The following LLGL2 variants were observed in gnomAD, a reference collection of about 807,000 sequenced individuals.
The protein encoded by LLGL2 is LLGL scribble cell polarity complex component 2.
A neutral mutation model predicts 123.2 loss-of-function variants in LLGL2; 81 were observed. That is an observed-to-expected ratio of 0.66 (90% CI 0.55 to 0.79). The LOEUF (loss-of-function observed/expected upper bound fraction) is 0.79, where lower values mean the gene tolerates loss of function less well. LLGL2 is among the 30% of genes least tolerant of loss of function. The pLI is 0.00. For synonymous variants in LLGL2, 577 were observed against 594.1 expected (o/e 0.97, Z 0.42); for missense variants, 1,273 against 1,414.6 (o/e 0.90, Z 1.61).
chr17:75,556,964 G>C (rs1355996606), intron 3 of LLGL2, among the ~76,000 whole-genome samples: 10 of 151,962 alleles, frequency 6.6e-5, no homozygotes, highest in Admixed American at 6.6e-4. Context: ...GGGAGGCAGA[G>C]GTTGCAGTGA....
chr17:75,540,782 G>T (rs2054177082), intron 1 of LLGL2, among the ~76,000 whole-genome samples: 1 of 152,114 alleles, frequency 6.6e-6, no homozygotes. Flanking sequence ...CTGTCTAGTG[G>T]GGACGTTCTG....
rs770227594 is a variant in LLGL2 at position 75,573,086 on chromosome 17, C to T, written c.2533C>T (p.Arg845Trp). Reference sequence around the variant, plus strand: ...GGCCCTGGAGGGCTCAAGAGTGCGGCGGGTCAGCGTGGCCCACTTCGGCAG... The same window carrying T: ...GGCCCTGGAGGGCTCAAGAGTGCGGTGGGTCAGCGTGGCCCACTTCGGCAG... ...LTALEGSRVR[R>W]VSVAHFGSRR... The change falls in exon 20 of 26, where the codon CGG (arginine) becomes TGG (tryptophan). Residue 845 changes from arginine to tryptophan, a missense_variant. Transcript: ENST00000392550. 8 of 1,612,688 alleles carry T rather than the reference C, an allele frequency of 5.0e-6. No individual in the cohort carries two copies. Among genetic ancestry groups the T allele is most frequent in the South Asian group, 2.2e-5 (2 of 91,078 alleles).
At chr17:75,532,843 C>G (rs2053851836) in intron 1 of LLGL2, among the ~76,000 whole-genome samples, 1 of 152,232 alleles carries the variant, frequency 6.6e-6, no homozygotes, top group Non-Finnish European at 1.5e-5. Context: ...ATGACGTCCA[C>G]AGGGCCCTGG....
chr17:75,550,852 C>G (rs2054640963), intron 2 of LLGL2, among the ~76,000 whole-genome samples: 1 of 151,724 alleles, frequency 6.6e-6, no homozygotes, highest in Non-Finnish European at 1.5e-5. Context: ...CAGAGGTGCC[C>G]ATGGAGCCTT....
At chr17:75,550,470 G>A (rs1598564948) in intron 2 of LLGL2, among the ~76,000 whole-genome samples, 1 of 151,710 alleles carries the variant, frequency 6.6e-6, no homozygotes, top group African/African-American at 2.4e-5. Context: ...GATCCAAGGG[G>A]GTGGGAAGGG....
At chr17:75,554,025 G>A (rs558483014) in intron 2 of LLGL2, among the ~76,000 whole-genome samples, 2 of 152,234 alleles carry the variant, frequency 1.3e-5, no homozygotes, top group East Asian at 3.9e-4. Flanking sequence ...TTTTAGGCCG[G>A]GTATGATGGC....
chr17:75,558,594 A>T lies in LLGL2; in HGVS notation c.338A>T (p.Glu113Val). 1.2e-6 allele frequency: 2 copies of T among 1,610,626 alleles called. No individual in the cohort carries two copies. The highest frequency in any genetic ancestry group is 1.7e-6 in the Non-Finnish European group (2 of 1,178,702). The change falls in exon 5 of 26, where the codon GAG becomes GTG. Residue 113 changes from glutamate to valine, a missense_variant. Physicochemically the swap from Glu to Val is moderately radical, Grantham distance 121 (BLOSUM62 -2). Transcript: ENST00000392550. This position sits in a 1 kb window ranked among gnomAD's most constrained non-coding sequence, Gnocchi z 4.0. The stretch of plus-strand genomic sequence containing the variant: ...AAGGGCGGGGCATCGGAGCTGCAGG[A>T]GGATGAGAGCTTCACACTGCGTGGA... Reference protein sequence around the residue: ...KVKGGASELQEDESFTLRGPP... With the variant: ...KVKGGASELQVDESFTLRGPP...
intron 18 of LLGL2, 24 bp from the exon 19 acceptor site, chr17:75,571,874 C>A: frequency 6.2e-7 from 1 of 1,610,306 alleles, no homozygotes; most frequent in Non-Finnish European, 8.5e-7. Flanking sequence ...CTCACCAGCC[C>A]CAACACCCAC....
chr17:75,541,148 C>T (rs533337391), intron 1 of LLGL2, among the ~76,000 whole-genome samples: 3 of 152,314 alleles, frequency 2.0e-5, no homozygotes, highest in Admixed American at 1.3e-4. Context: ...CTGGCACCTC[C>T]TCCCAGCCCC....
At chr17:75,562,976 G>C in intron 6 of LLGL2, 40 bp from the exon 7 acceptor site, 3 of 1,603,980 alleles carry the variant, frequency 1.9e-6, no homozygotes, top group Non-Finnish European at 2.5e-6. Flanking sequence ...ATTCCCCCTG[G>C]TGGACGGCAT....
rs530326843 is a variant in LLGL2, at chr17:75,564,844, C to A, written c.1036+337C>A. 1.4e-4 allele frequency: 25 copies of A among 178,404 alleles called. No homozygotes were observed. Among genetic ancestry groups the A allele is most frequent in the Non-Finnish European group, 2.1e-4 (19 of 90,770 alleles). 11.1% of individuals were successfully genotyped at this position (178,404 alleles called of 1,614,324 possible). ...ATGCTACTGTACTCAGCCTGGGTGACATAGCCAGACTGTGTCTCAAAAAAA... is the reference window on the plus strand; with the variant it reads ...ATGCTACTGTACTCAGCCTGGGTGAAATAGCCAGACTGTGTCTCAAAAAAA... On this transcript the variant is annotated intron_variant, in intron 10 of 25. Transcript: ENST00000392550. This position sits in a 1 kb window ranked among gnomAD's most constrained non-coding sequence, Gnocchi z 4.9.
At chr17:75,552,245 C>A (rs2054708983) in intron 2 of LLGL2, among the ~76,000 whole-genome samples, 3 of 151,948 alleles carry the variant, frequency 2.0e-5, no homozygotes, top group African/African-American at 7.3e-5. Context: ...CTCTGGCACT[C>A]TGGAAGGCTG....
chr17:75,529,829 C>A (rs897405436), intron 1 of LLGL2, among the ~76,000 whole-genome samples: 9 of 152,110 alleles, frequency 5.9e-5, no homozygotes, highest in Non-Finnish European at 8.8e-5. Flanking sequence ...CCACTGCACT[C>A]CAGCCTGGTG....
In LLGL2 at chr17:75,570,555, C is replaced by A; in HGVS notation, c.2025+57C>A. 1.6e-5 allele frequency: 25 copies of A among 1,529,974 alleles called. No individual in the cohort carries two copies. In the South Asian group the frequency reaches 2.9e-4, roughly 18 times the overall value. The allele number at this position is 1,529,974 out of a possible 1,614,324, so 94.8% of individuals were successfully genotyped here. On this transcript the variant is annotated intron_variant, in intron 16 of 25. Coordinates refer to ENST00000392550, the MANE Select transcript of LLGL2 (RefSeq NM_001031803.2). ...CGCACCCAGGTTCGGCTCAGAGCAG[C>A]CAGCAGGGGGGCCACACGGCCCCTG...
At chr17:75,535,885 G>C (rs780437502) in intron 1 of LLGL2, among the ~76,000 whole-genome samples, 1 of 152,184 alleles carries the variant, frequency 6.6e-6, no homozygotes, top group Non-Finnish European at 1.5e-5. Context: ...TGCCGGCCAG[G>C]TGCAGACGTG....
At chr17:75,545,320 C>G (rs2054376971) in intron 2 of LLGL2, among the ~76,000 whole-genome samples, 1 of 152,158 alleles carries the variant, frequency 6.6e-6, no homozygotes, top group African/African-American at 2.4e-5. Flanking sequence ...ATGCAAGAAG[C>G]ATGCATTGAG....
At position 75,538,956 on chromosome 17, in the gene LLGL2, A is replaced by G. The variant is rs1238367922; in HGVS notation, c.-30-4441A>G. 3.3e-5 allele frequency among the ~76,000 whole-genome samples: 5 copies of G among 152,096 alleles called. No homozygotes were observed. The Middle Eastern group carries it at 0.014, about 414-fold the overall frequency. On this transcript the variant is annotated intron_variant, in intron 1 of 25. Coordinates refer to ENST00000392550, the MANE Select transcript of LLGL2 (RefSeq NM_001031803.2). Reference sequence around the variant, plus strand: ...GGCCCAGGCTGGAGTGCAGTGGTACAGTCATAGCTCACAGCAGCCTCAAAC... The same window carrying G: ...GGCCCAGGCTGGAGTGCAGTGGTACGGTCATAGCTCACAGCAGCCTCAAAC...
At chr17:75,574,816 T>G in intron 25 of LLGL2, 55 bp from the exon 26 acceptor site, 2 of 1,606,656 alleles carry the variant, frequency 1.2e-6, no homozygotes, top group Middle Eastern at 1.7e-4. Flanking sequence ...CGTGGGCGGC[T>G]GGGGCACCCC....
intron 1 of LLGL2, among the ~76,000 whole-genome samples, chr17:75,529,233 G>C (rs2053686748): frequency 6.6e-6 from 1 of 151,556 alleles, no homozygotes. Flanking sequence ...AGTCTCCTCT[G>C]TCGCCCAGGA....
Sources: gnomAD v4.1 joint callset for allele counts (sites outside exome capture counted in the v4.1 genomes callset) on GRCh38, gnomAD v4.1.1 for gene constraint, Gnocchi (gnomAD v3.1) non-coding constraint, MANE v1.5 for transcripts, NCBI Gene and HGNC (gene_info 2026-07-23, HGNC 2026-07-21) for gene names.